The following SGCZ variants were observed in gnomAD, a reference collection of about 807,000 sequenced individuals.
SGCZ encodes sarcoglycan zeta.
A neutral mutation model predicts 41.3 loss-of-function variants in SGCZ; 40 were observed. That is an observed-to-expected ratio of 0.97 (90% confidence interval 0.75 to 1.26). SGCZ has a LOEUF of 1.26. SGCZ is among the 50% of genes most tolerant of loss of function. SGCZ has a pLI of 0.00. For missense variants in SGCZ, 552 were observed against 369.8 expected, an observed-to-expected ratio of 1.49 and a Z score of -4.04; for synonymous variants, 206 against 137.5, an observed-to-expected ratio of 1.50 and a Z score of -3.49.
At position 14,434,245 on chromosome 8, in the gene SGCZ, T is replaced by G. The variant is rs533788257; in HGVS notation, c.235-110041A>C. ...AGGGTGTCCTTTCTCCACTTCATGT[T>G]TTGTTTGCTTTGTCAAAGATCAGTT... is the stretch of plus-strand genomic sequence containing the variant. On this transcript the variant is annotated intron_variant, in intron 2 of 7. Transcript: ENST00000382080. Among the ~76,000 whole-genome samples, 8 of 152,204 alleles carry G rather than the reference T, an allele frequency of 5.3e-5. No individual in the cohort carries two copies. In the South Asian group the frequency reaches 1.2e-3, roughly 24 times the overall value.
intron 1 of SGCZ, among the ~76,000 whole-genome samples, chr8:14,674,385 T>C (rs1808204953): frequency 6.6e-6 from 1 of 152,174 alleles, no homozygotes; most frequent in African/African-American, 2.4e-5. Context: ...AGCTCATTTT[T>C]AAGATTAAAT....
At chr8:15,136,274 C>T (rs1808101976) in intron 1 of SGCZ, among the ~76,000 whole-genome samples, 1 of 152,046 alleles carries the variant, frequency 6.6e-6, no homozygotes, top group African/African-American at 2.4e-5. Context: ...CAACTGGCCC[C>T]TTGTAACAGG....
intron 1 of SGCZ, among the ~76,000 whole-genome samples, chr8:14,758,495 T>A (rs1799757391): frequency 6.6e-6 from 1 of 152,306 alleles, no homozygotes; most frequent in East Asian, 1.9e-4. Flanking sequence ...TTCGAATTGG[T>A]TTCTAATTAG....
At chr8:14,616,572 C>T (rs1053987273) in intron 1 of SGCZ, among the ~76,000 whole-genome samples, 6 of 152,050 alleles carry the variant, frequency 3.9e-5, no homozygotes, top group African/African-American at 1.4e-4. Context: ...CTACCTAAAA[C>T]ATCCCTGTCC....
chr8:14,345,489 G>C (rs57355521), intron 2 of SGCZ, among the ~76,000 whole-genome samples: 8,818 of 152,180 alleles, frequency 0.058, 747 homozygotes, highest in African/African-American at 0.19. Context: ...ATAGGTTATG[G>C]AGAAAAGTAT....
chr8:14,110,352 C>T (rs1273155750), intron 5 of SGCZ, among the ~76,000 whole-genome samples: 1 of 151,978 alleles, frequency 6.6e-6, no homozygotes, highest in South Asian at 2.1e-4. Flanking sequence ...TATAATTAAA[C>T]ATCGGTAATA....
At chr8:14,357,395 C>T (rs907023929) in intron 2 of SGCZ, among the ~76,000 whole-genome samples, 7 of 152,034 alleles carry the variant, frequency 4.6e-5, no homozygotes, top group Non-Finnish European at 1.0e-4. Flanking sequence ...GAAAATTCTT[C>T]GCAACATAAA....
chr8:14,200,558 T>C (rs1246559152), intron 4 of SGCZ, among the ~76,000 whole-genome samples: 2 of 152,128 alleles, frequency 1.3e-5, no homozygotes, highest in East Asian at 3.9e-4. Context: ...ACATATAAAA[T>C]AAATGATTTT....
intron 1 of SGCZ, among the ~76,000 whole-genome samples, chr8:14,602,713 T>C (rs937261937): frequency 6.6e-6 from 1 of 152,162 alleles, no homozygotes; most frequent in Non-Finnish European, 1.5e-5. Context: ...TTATATCCTG[T>C]TATTCTATAC....
At chr8:15,060,249 G>A (rs902924160) in intron 1 of SGCZ, among the ~76,000 whole-genome samples, 1 of 152,004 alleles carries the variant, frequency 6.6e-6, no homozygotes, top group African/African-American at 2.4e-5. Flanking sequence ...ACTCACAATA[G>A]CAAAGACTTG....
chr8:14,118,764 T>A, intron 5 of SGCZ, among the ~76,000 whole-genome samples: 1 of 152,232 alleles, frequency 6.6e-6, no homozygotes, highest in East Asian at 1.9e-4. Context: ...GGGTCCAGTG[T>A]CAGTTTTCTG....
chr8:14,606,967 G>A (rs1326042395), intron 1 of SGCZ, among the ~76,000 whole-genome samples: 1 of 152,098 alleles, frequency 6.6e-6, no homozygotes, highest in Non-Finnish European at 1.5e-5. Flanking sequence ...TAATGTTACT[G>A]CTTCTACTAG....
intron 1 of SGCZ, among the ~76,000 whole-genome samples, chr8:15,208,582 A>T (rs1801141369): frequency 6.6e-6 from 1 of 152,200 alleles, no homozygotes; most frequent in African/African-American, 2.4e-5. Context: ...ACTGTGAATG[A>T]TAATTATCTC....
At chr8:14,157,595 T>TAA in intron 5 of SGCZ, among the ~76,000 whole-genome samples, 1 of 144,622 alleles carries the variant, frequency 6.9e-6, no homozygotes, top group African/African-American at 2.5e-5. Flanking sequence ...TGCAGAAAAA[T>TAA]AAAAAAAAAA....
intron 1 of SGCZ, among the ~76,000 whole-genome samples, chr8:15,220,623 G>C (rs1337527989): frequency 6.6e-6 from 1 of 152,090 alleles, no homozygotes; most frequent in Non-Finnish European, 1.5e-5. Flanking sequence ...CAAGGATCTA[G>C]AACTGGAAAT....
At chr8:14,227,010 T>G (rs1458515510) in intron 4 of SGCZ, among the ~76,000 whole-genome samples, 1 of 152,094 alleles carries the variant, frequency 6.6e-6, no homozygotes, top group Non-Finnish European at 1.5e-5. Context: ...AATACTCTAG[T>G]GTGCTTTAGG....
At chr8:14,626,887 T>A (rs983996944) in intron 1 of SGCZ, among the ~76,000 whole-genome samples, 5 of 152,146 alleles carry the variant, frequency 3.3e-5, no homozygotes, top group Non-Finnish European at 2.9e-5. Flanking sequence ...GGTAGCAAAC[T>A]AATAAACTGG....
At chr8:15,024,437 A>G (rs905827070) in intron 1 of SGCZ, among the ~76,000 whole-genome samples, 6 of 152,210 alleles carry the variant, frequency 3.9e-5, no homozygotes, top group African/African-American at 1.4e-4. Context: ...TCCTTGAAAT[A>G]AATCACTGAA....
At chr8:14,991,157 AT>A (rs1802002223) in intron 1 of SGCZ, among the ~76,000 whole-genome samples, 1 of 152,184 alleles carries the variant, frequency 6.6e-6, no homozygotes, top group Non-Finnish European at 1.5e-5. Context: ...TTGTTTGCTT[AT>A]TTTAAATCTT....
Sources: allele counts gnomAD v4.1 joint callset (sites outside exome capture counted in the v4.1 genomes callset), GRCh38; gene constraint gnomAD v4.1.1; transcripts MANE v1.5; gene names NCBI Gene and HGNC (gene_info 2026-07-23, HGNC 2026-07-21).